Variants in KIF18B observed in about 807,000 individuals in gnomAD.
The protein encoded by KIF18B is kinesin-like protein KIF18B.
In KIF18B, 49 loss-of-function variants were observed where a neutral mutation model predicts 80.9. That is an observed-to-expected ratio of 0.61 (90% CI 0.48 to 0.77). The LOEUF (loss-of-function observed/expected upper bound fraction) is 0.77. KIF18B is among the 30% of genes least tolerant of loss of function. The probability of loss-of-function intolerance (pLI) is 0.00; values close to 1 mark genes in which losing one functional copy is unlikely to be tolerated. For synonymous variants in KIF18B, 439 were observed against 463.9 expected (o/e 0.95, Z 0.69); for missense variants, 994 against 1,127.7 (o/e 0.88, Z 1.70).
At chr17:44,937,141 CTT>C (rs2052327788) in intron 1 of KIF18B, among the ~76,000 whole-genome samples, 1 of 151,506 alleles carries the variant, frequency 6.6e-6, no homozygotes, top group Admixed American at 6.6e-5. Flanking sequence ...CTTCATTACT[CTT>C]TCTTTTCTAT....
chr17:44,942,534 G>A (rs924442366), intron 1 of KIF18B, among the ~76,000 whole-genome samples: 2 of 152,188 alleles, frequency 1.3e-5, no homozygotes, highest in African/African-American at 4.8e-5. Context: ...CCAGCCCCTG[G>A]ACGTCCTATT....
At chr17:44,936,582 CTCTCTCTCTCTCTCTCTA>C (rs1416569965) in intron 1 of KIF18B, among the ~76,000 whole-genome samples, 48 of 57,080 alleles carry the variant, frequency 8.4e-4, no homozygotes, top group Admixed American at 1.6e-3. Context: ...CTCTCTCTCT[CTCTCTCTCTCTCTCTCTA>C]TATATATATA....
At chr17:44,942,597 CTTG>C (rs995635828) in intron 1 of KIF18B, among the ~76,000 whole-genome samples, 6 of 152,122 alleles carry the variant, frequency 3.9e-5, no homozygotes, top group Non-Finnish European at 8.8e-5. Context: ...CCCTAATACA[CTTG>C]TTTTTTTGTC....
At chr17:44,938,585 C>T (rs2052354087) in intron 1 of KIF18B, among the ~76,000 whole-genome samples, 1 of 152,054 alleles carries the variant, frequency 6.6e-6, no homozygotes. Context: ...TTTAGGTTGT[C>T]ATGGAGATGG....
Position 44,927,284 on chromosome 17 carries a change from G to A in KIF18B, c.2277-206C>T, listed in dbSNP as rs1040174184. On this transcript the variant is annotated intron_variant, in intron 13 of 15. Coordinates refer to ENST00000593135, the MANE Select transcript of KIF18B (RefSeq NM_001265577.2). The surrounding 1 kb of genome is among the most constrained non-coding windows in gnomAD (Gnocchi z 4.1). ...GCCTGCTCTGGGAGGACATCCAGAT[G>A]CCAGTTTCTGGTGCACCCGGGGAAC... 1.3e-5 allele frequency among the ~76,000 whole-genome samples: 2 copies of A among 152,206 alleles called. No individual in the cohort carries two copies. The highest frequency in any genetic ancestry group is 6.5e-5 in the Admixed American group (1 of 15,284).
At position 44,927,165 on chromosome 17, in the gene KIF18B, G is replaced by C; in HGVS notation, c.2277-87C>G. ...TTCCTCCCTCCAGCCCCCAGCTCGG[G>C]CATGGGGGAGGGTGGTTGGACAAGA... On this transcript the variant is annotated intron_variant, in intron 13 of 15. Coordinates refer to ENST00000593135, the MANE Select transcript of KIF18B (RefSeq NM_001265577.2). This position sits in a 1 kb window ranked among gnomAD's most constrained non-coding sequence, Gnocchi z 4.1. The C allele has an allele frequency of 1.0e-6, 1 of 974,554 alleles. No individual in the cohort carries two copies. The highest frequency in any genetic ancestry group is 1.5e-6 in the Non-Finnish European group (1 of 654,080). 60.4% of individuals were successfully genotyped at this position (974,554 alleles called of 1,614,324 possible). A position where few individuals can be genotyped will look rare whatever the true frequency, so the allele number is the denominator to read the frequency against.
intron 14 of KIF18B, 82 bp downstream of exon 14, chr17:44,926,907 G>A (rs572996680): frequency 2.5e-6 from 3 of 1,202,492 alleles, no homozygotes; most frequent in African/African-American, 3.0e-5. Flanking sequence ...AGACACTGGG[G>A]GCCCAGAGTC....
chr17:44,934,446 AG>A lies in KIF18B; in HGVS notation c.688-17del. 2 of 1,604,266 alleles carry A rather than the reference AG, an allele frequency of 1.2e-6. No homozygotes were observed. The highest frequency in any genetic ancestry group is 8.5e-7 in the Non-Finnish European group (1 of 1,174,320). On this transcript the variant is annotated splice_polypyrimidine_tract_variant and intron_variant, in intron 5 of 15. Transcript: ENST00000593135. This position sits in a 1 kb window ranked among gnomAD's most constrained non-coding sequence, Gnocchi z 5.4. ...TCACAAAGATCTGAAGGCAGATGGC[AG>A]GGGTGAGGGGGAGATGGGCATCAGG...
intron 1 of KIF18B, among the ~76,000 whole-genome samples, chr17:44,937,530 T>C (rs1480412875): frequency 2.0e-5 from 3 of 152,214 alleles, no homozygotes; most frequent in Non-Finnish European, 4.4e-5. Flanking sequence ...GATGGAACAC[T>C]TTTCCCCATT....
At chr17:44,944,508 C>T (rs888311222) in intron 1 of KIF18B, among the ~76,000 whole-genome samples, 2 of 152,104 alleles carry the variant, frequency 1.3e-5, no homozygotes, top group African/African-American at 4.8e-5. Context: ...TCCCAAAGTG[C>T]TGGTGCTGGG....
intron 1 of KIF18B, among the ~76,000 whole-genome samples, chr17:44,938,905 G>A (rs2052361794): frequency 6.6e-6 from 1 of 152,062 alleles, no homozygotes. Context: ...TTAGGCGGGT[G>A]TGGTGGCACG....
chr17:44,941,144 G>C (rs752581690), intron 1 of KIF18B, among the ~76,000 whole-genome samples: 5 of 152,088 alleles, frequency 3.3e-5, no homozygotes, highest in Non-Finnish European at 7.4e-5. Context: ...GTGAGTGATG[G>C]AGCCCCATTC....
rs144909411 is a variant in KIF18B, at chr17:44,934,709, C to T, written c.577-92G>A. Reference sequence around the variant, plus strand: ...GGGCTGCTCTTCAGAATCTACATCACCCCCTTGCTACCACCACCACTGCTA... The same window carrying T: ...GGGCTGCTCTTCAGAATCTACATCATCCCCTTGCTACCACCACCACTGCTA... On this transcript the variant is annotated intron_variant, in intron 4 of 15. Transcript: ENST00000593135. This position sits in a 1 kb window ranked among gnomAD's most constrained non-coding sequence, Gnocchi z 5.4. 900 of 1,288,620 alleles carry T rather than the reference C, an allele frequency of 7.0e-4. 6 individuals carry two copies. The African/African-American group carries it at 0.011, about 16-fold the overall frequency. The allele number at this position is 1,288,620 out of a possible 1,614,324, so 79.8% of individuals were successfully genotyped here. A position where few individuals can be genotyped will look rare whatever the true frequency, so the allele number is the denominator to read the frequency against.
rs916602764 is a variant in KIF18B at position 44,927,162 on chromosome 17, C to T, written c.2277-84G>A. On this transcript the variant is annotated intron_variant, in intron 13 of 15. Transcript: ENST00000593135. The surrounding 1 kb of genome is among the most constrained non-coding windows in gnomAD (Gnocchi z 4.1). Reference sequence around the variant, plus strand: ...CACTTCCTCCCTCCAGCCCCCAGCTCGGGCATGGGGGAGGGTGGTTGGACA... The same window carrying T: ...CACTTCCTCCCTCCAGCCCCCAGCTTGGGCATGGGGGAGGGTGGTTGGACA... The T allele has an allele frequency of 2.8e-5, 29 of 1,027,226 alleles. No homozygotes were observed. The highest frequency in any genetic ancestry group is 2.2e-4 in the African/African-American group (14 of 62,414). The allele number at this position is 1,027,226 out of a possible 1,614,324, so 63.6% of individuals were successfully genotyped here.
intron 1 of KIF18B, among the ~76,000 whole-genome samples, chr17:44,942,462 A>C (rs2052437852): frequency 6.6e-6 from 1 of 152,228 alleles, no homozygotes; most frequent in Non-Finnish European, 1.5e-5. Context: ...ACTTGAGGGA[A>C]TCTACCTGCA....
intron 14 of KIF18B, 117 bp downstream of exon 14, chr17:44,926,872 G>A: frequency 4.6e-6 from 4 of 870,796 alleles, no homozygotes; most frequent in Non-Finnish European, 7.3e-6. Context: ...GACCTCAGCT[G>A]CTTGCTCCGG....
chr17:44,926,128 C>A lies in KIF18B; in HGVS notation c.2511G>T (p.Arg837Ser). 1 of 1,613,884 alleles carries A rather than the reference C, an allele frequency of 6.2e-7. No homozygotes were observed. The highest frequency in any genetic ancestry group is 8.5e-7 in the Non-Finnish European group (1 of 1,179,862). The stretch of plus-strand genomic sequence containing the variant: ...TCCCTGCTGAGAGTGCTCTCCCCAC[C>A]CTGATGAGGTCCTTTCCATTCCTCC... ...SNRRNGKDLIRVGRALSAGNG... is the reference protein window; with the variant it reads ...SNRRNGKDLISVGRALSAGNG... Residue 837 changes from arginine to serine, a missense_variant, in exon 16 of 16, where the codon AGG (arginine) becomes AGT (serine). Arg to Ser is a moderately radical substitution (Grantham distance 110). Transcript: ENST00000593135.
rs74252796 is a variant in KIF18B, at chr17:44,933,842, T to G, written c.1062+81A>C. On this transcript the variant is annotated intron_variant, in intron 7 of 15. Transcript: ENST00000593135. ...TGGGGACACTTGGCCCAGGGATCTA[T>G]TGGAGCTGCCTGGGTCCCACCCTTT... 47 of 1,333,138 alleles carry G rather than the reference T, an allele frequency of 3.5e-5. No homozygotes were observed. In the Admixed American group the frequency reaches 1.1e-3, roughly 30 times the overall value. 82.6% of individuals were successfully genotyped at this position (1,333,138 alleles called of 1,614,324 possible).
chr17:44,932,326 G>C, intron 9 of KIF18B, 120 bp from the exon 10 acceptor site: 1 of 1,121,788 alleles, frequency 8.9e-7, no homozygotes, highest in Non-Finnish European at 1.2e-6. Context: ...TGGCACCCAG[G>C]TCGTATAGAG....
Sources: gnomAD v4.1 joint callset for allele counts (sites outside exome capture counted in the v4.1 genomes callset) on GRCh38, gnomAD v4.1.1 for gene constraint, Gnocchi (gnomAD v3.1) non-coding constraint, MANE v1.5 for transcripts, NCBI Gene and HGNC (gene_info 2026-07-23, HGNC 2026-07-21) for gene names.